Variants in PDE1A observed in about 807,000 individuals in gnomAD.
PDE1A encodes dual specificity calcium/calmodulin-dependent 3',5'-cyclic nucleotide phosphodiesterase 1A.
Under a neutral mutation model 61.7 loss-of-function variants are expected in PDE1A, and 35 were observed. That is an observed-to-expected ratio of 0.57 (90% CI 0.43 to 0.75). PDE1A has a LOEUF of 0.75. Ranked by LOEUF, PDE1A falls within the 30% of genes least tolerant of loss-of-function variation. The probability of loss-of-function intolerance (pLI) is 0.00; values close to 1 mark genes in which losing one functional copy is unlikely to be tolerated. For missense variants in PDE1A, 597 were observed against 630.6 expected (o/e 0.95, Z 0.57); for synonymous variants, 232 against 213.2 (o/e 1.09, Z -0.77).
chr2:182,498,181 A>G (rs1183335799), intron 2 of PDE1A, among the ~76,000 whole-genome samples: 1 of 152,144 alleles, frequency 6.6e-6, no homozygotes, highest in African/African-American at 2.4e-5. Flanking sequence ...AAGAATCACC[A>G]AACCTCTGAG....
At chr2:182,424,075 G>A (rs1169164457) in intron 1 of PDE1A, among the ~76,000 whole-genome samples, 2 of 151,326 alleles carry the variant, frequency 1.3e-5, no homozygotes, top group Non-Finnish European at 2.9e-5. Context: ...CTCCCAAGTA[G>A]CTGGGACTAC....
the PDE1A span, among the ~76,000 whole-genome samples, chr2:182,577,266 T>C: frequency 6.6e-6 from 1 of 152,228 alleles, no homozygotes; most frequent in Non-Finnish European, 1.5e-5. Context: ...CCATCTGACA[T>C]CTCTATAAGC....
At chr2:182,445,004 T>C (rs577646475) in intron 2 of PDE1A, among the ~76,000 whole-genome samples, 1 of 152,236 alleles carries the variant, frequency 6.6e-6, no homozygotes, top group East Asian at 1.9e-4. Context: ...TTATTGGCTG[T>C]AGAAAATGGA....
intron 2 of PDE1A, among the ~76,000 whole-genome samples, chr2:182,453,301 G>T (rs1685651152): frequency 6.6e-6 from 1 of 151,768 alleles, no homozygotes. Context: ...AAGCTTTTTG[G>T]GATACCACTT....
the PDE1A span, among the ~76,000 whole-genome samples, chr2:182,563,741 T>C: frequency 6.6e-6 from 1 of 152,248 alleles, no homozygotes; most frequent in South Asian, 2.1e-4. Context: ...TGGATGCTCC[T>C]GTATTGGGTG....
the PDE1A span, among the ~76,000 whole-genome samples, chr2:182,615,733 TG>T: frequency 6.6e-6 from 1 of 151,998 alleles, no homozygotes; most frequent in Non-Finnish European, 1.5e-5. Flanking sequence ...CATCATACCA[TG>T]GTGGAAGGTA....
chr2:182,356,205 G>A (rs1269471532), intron 1 of PDE1A, among the ~76,000 whole-genome samples: 1 of 152,088 alleles, frequency 6.6e-6, no homozygotes, highest in South Asian at 2.1e-4. Flanking sequence ...AGCACTTTGG[G>A]AGGCTGAGGC....
At chr2:182,357,760 T>C (rs879433251) in intron 1 of PDE1A, among the ~76,000 whole-genome samples, 1 of 152,216 alleles carries the variant, frequency 6.6e-6, no homozygotes, top group African/African-American at 2.4e-5. Context: ...ACCAATTCTG[T>C]TGTATTCTGA....
At chr2:182,285,615 T>C (rs1694104621) in intron 1 of PDE1A, among the ~76,000 whole-genome samples, 1 of 152,162 alleles carries the variant, frequency 6.6e-6, no homozygotes, top group Admixed American at 6.5e-5. Flanking sequence ...TTTGACAATA[T>C]GAGTTACTTT....
At chr2:182,399,293 A>G (rs1171999171) in intron 1 of PDE1A, among the ~76,000 whole-genome samples, 1 of 151,976 alleles carries the variant, frequency 6.6e-6, no homozygotes, top group Non-Finnish European at 1.5e-5. Flanking sequence ...ACACATGCAT[A>G]GATTAATGTG....
intron 2 of PDE1A, among the ~76,000 whole-genome samples, chr2:182,250,597 G>A (rs1351977558): frequency 1.3e-5 from 2 of 151,782 alleles, no homozygotes. Flanking sequence ...TTTGTTCAAT[G>A]TTCCTCTGGT....
chr2:182,645,463 T>C, the PDE1A span, among the ~76,000 whole-genome samples: 1 of 152,210 alleles, frequency 6.6e-6, no homozygotes, highest in African/African-American at 2.4e-5. Flanking sequence ...CATTCAAGCG[T>C]GGTTGGCATT....
chr2:182,705,663 G>C, the PDE1A span, among the ~76,000 whole-genome samples: 1 of 152,048 alleles, frequency 6.6e-6, no homozygotes, highest in Non-Finnish European at 1.5e-5. Context: ...ACAGGCATGC[G>C]CCACCAAGCC....
rs377282234 is a variant in PDE1A at position 182,379,697 on chromosome 2, T to G, written c.53+46881A>C. ...ATTGTCCTCACTTCAGTATTCCATC[T>G]AAAATAAAGATATGCATGTATTTAT... On this transcript the variant is annotated intron_variant, in intron 1 of 13. Coordinates refer to ENST00000351439, the Ensembl canonical transcript of PDE1A. Among the ~76,000 whole-genome samples the G allele has an allele frequency of 3.3e-5, 5 of 152,374 alleles. No individual in the cohort carries two copies. The East Asian group carries it at 5.8e-4, about 18-fold the overall frequency.
At chr2:182,639,088 A>G in the PDE1A span, among the ~76,000 whole-genome samples, 3 of 152,240 alleles carry the variant, frequency 2.0e-5, no homozygotes, top group Non-Finnish European at 4.4e-5. Flanking sequence ...CAAAAGAGGA[A>G]CATACATCAT....
At chr2:182,562,518 T>A in the PDE1A span, among the ~76,000 whole-genome samples, 1 of 151,978 alleles carries the variant, frequency 6.6e-6, no homozygotes, top group Non-Finnish European at 1.5e-5. Flanking sequence ...AAAATTCTCT[T>A]TTTTGGTTGT....
chr2:182,519,149 T>C (rs1690397349), intron 2 of PDE1A, among the ~76,000 whole-genome samples: 1 of 152,098 alleles, frequency 6.6e-6, no homozygotes, highest in Admixed American at 6.5e-5. Context: ...GTTTTCTTAG[T>C]ATGTAGGAAG....
At chr2:182,458,510 T>C (rs1207407154) in intron 2 of PDE1A, among the ~76,000 whole-genome samples, 1 of 152,048 alleles carries the variant, frequency 6.6e-6, no homozygotes, top group Non-Finnish European at 1.5e-5. Context: ...GAGGGGGATA[T>C]AGAGTGACCA....
At chr2:182,248,756 C>A (rs1258602708) in intron 2 of PDE1A, among the ~76,000 whole-genome samples, 3 of 152,120 alleles carry the variant, frequency 2.0e-5, no homozygotes, top group African/African-American at 7.2e-5. Flanking sequence ...TTGGTACCCG[C>A]AATTACACCT....
Sources: allele counts gnomAD v4.1 joint callset (sites outside exome capture counted in the v4.1 genomes callset), GRCh38; gene constraint gnomAD v4.1.1; transcripts MANE v1.5; gene names NCBI Gene and HGNC (gene_info 2026-07-23, HGNC 2026-07-21).